Variants in RHBDL2 observed in about 807,000 individuals in gnomAD.
RHBDL2 encodes the protein rhomboid-related protein 2.
A neutral mutation model predicts 31.7 loss-of-function variants in RHBDL2; 26 were observed. That is an observed-to-expected ratio of 0.82 (90% CI 0.60 to 1.14). The LOEUF (loss-of-function observed/expected upper bound fraction) is 1.14. Ranked by LOEUF, RHBDL2 falls within the 50% of genes most tolerant of loss-of-function variation. The pLI is 0.00. For missense variants in RHBDL2, 336 were observed against 364.4 expected (o/e 0.92, Z 0.63); for synonymous variants, 123 against 127.2 (o/e 0.97, Z 0.22).
chr1:38,920,031 TC>T (rs2124339586), intron 1 of RHBDL2, among the ~76,000 whole-genome samples: 1 of 152,272 alleles, frequency 6.6e-6, no homozygotes, highest in South Asian at 2.1e-4. Flanking sequence ...CTTACCACAG[TC>T]CCTGGCAACG....
In RHBDL2 at chr1:38,887,947, A is replaced by G. The variant is rs1428732982; in HGVS notation, c.732+16T>C. The G allele has an allele frequency of 1.3e-6, 2 of 1,568,320 alleles. No individual in the cohort carries two copies. On this transcript the variant is annotated intron_variant, in intron 7 of 7. Coordinates refer to ENST00000372990, the MANE Select transcript of RHBDL2 (RefSeq NM_017821.5). ...AAACTAATTTCTATTTTATAAAAGA[A>G]AGAAACTGAACTCACCGGAGACCCA...
At chr1:38,908,122 G>A (rs1470485310) in intron 4 of RHBDL2, among the ~76,000 whole-genome samples, 2 of 83,050 alleles carry the variant, frequency 2.4e-5, no homozygotes, top group Non-Finnish European at 4.9e-5. Context: ...CACATAAAAA[G>A]ATATTCAACA....
chr1:38,929,231 C>T (rs190090422), intron 1 of RHBDL2, among the ~76,000 whole-genome samples: 33 of 152,246 alleles, frequency 2.2e-4, no homozygotes, highest in Admixed American at 2.1e-3. Context: ...AATTCCCGAA[C>T]GGAAGCTGTA....
intron 3 of RHBDL2, among the ~76,000 whole-genome samples, chr1:38,914,783 A>G (rs915233977): frequency 4.0e-5 from 6 of 151,674 alleles, no homozygotes; most frequent in Non-Finnish European, 7.4e-5. Context: ...TAATCCCAGC[A>G]CTTTGGGAGG....
At chr1:38,920,607 C>CTTTTT (rs547790628) in intron 1 of RHBDL2, among the ~76,000 whole-genome samples, 2 of 129,050 alleles carry the variant, frequency 1.5e-5, no homozygotes, top group East Asian at 4.7e-4. Context: ...CAAGTTTTCT[C>CTTTTT]TTTTTTTTTT....
intron 5 of RHBDL2, among the ~76,000 whole-genome samples, chr1:38,895,684 G>C (rs568490729): frequency 3.3e-5 from 5 of 152,188 alleles, no homozygotes; most frequent in South Asian, 2.1e-4. Flanking sequence ...CACACCTGTA[G>C]TCCCAGCTAT....
intron 1 of RHBDL2, among the ~76,000 whole-genome samples, chr1:38,920,166 CTTTTTTT>C (rs71057165): frequency 9.0e-6 from 1 of 111,402 alleles, no homozygotes; most frequent in African/African-American, 3.5e-5. Context: ...CACATGTTTT[CTTTTTTT>C]TTTTTTTTTT....
At chr1:38,925,433 G>A (rs575283611) in intron 1 of RHBDL2, among the ~76,000 whole-genome samples, 1 of 152,122 alleles carries the variant, frequency 6.6e-6, no homozygotes, top group South Asian at 2.1e-4. Context: ...AGGAGGTGGA[G>A]GTTGCAGTGG....
intron 4 of RHBDL2, among the ~76,000 whole-genome samples, chr1:38,899,297 G>C (rs1381973483): frequency 6.6e-6 from 1 of 152,180 alleles, no homozygotes; most frequent in African/African-American, 2.4e-5. Flanking sequence ...ACCAGAGGGG[G>C]GCCAGGCAAT....
intron 1 of RHBDL2, among the ~76,000 whole-genome samples, chr1:38,939,011 G>T (rs1643536808): frequency 6.6e-6 from 1 of 152,188 alleles, no homozygotes; most frequent in Admixed American, 6.6e-5. Context: ...TGAACGAACA[G>T]GATTATAAAA....
chr1:38,911,400 G>T lies in RHBDL2; in HGVS notation c.430C>A (p.Leu144Ile). ...ATTTCCAAGGGAATACCCAAAACAA[G>T]CTGCATACAAAGATTCCCCAAGATG... ...QHILGNLCMQLVLGIPLEMVH... is the reference protein window; with the variant it reads ...QHILGNLCMQIVLGIPLEMVH... The change falls in exon 4 of 8, where the codon CTT becomes ATT. Residue 144 changes from leucine to isoleucine, a missense_variant. Leu to Ile is a conservative substitution (Grantham distance 5, BLOSUM62 2). Transcript: ENST00000372990. The T allele has an allele frequency of 1.2e-6, 2 of 1,613,940 alleles. No individual in the cohort carries two copies. Among genetic ancestry groups the T allele is most frequent in the Non-Finnish European group, 1.7e-6 (2 of 1,179,948 alleles).
chr1:38,927,818 T>C (rs1643394563), intron 1 of RHBDL2, among the ~76,000 whole-genome samples: 1 of 152,194 alleles, frequency 6.6e-6, no homozygotes, highest in African/African-American at 2.4e-5. Context: ...CTTCATTAAT[T>C]TTTACCACTT....
chr1:38,906,607 G>A (rs1422761669), intron 4 of RHBDL2, among the ~76,000 whole-genome samples: 2 of 151,798 alleles, frequency 1.3e-5, no homozygotes, highest in African/African-American at 2.4e-5. Context: ...CTGGGAGGTG[G>A]AGCTTGCAGT....
At chr1:38,923,985 T>A (rs1185422928) in intron 1 of RHBDL2, among the ~76,000 whole-genome samples, 3 of 152,128 alleles carry the variant, frequency 2.0e-5, no homozygotes, top group Admixed American at 1.3e-4. Flanking sequence ...ATGTTCCTTA[T>A]GCACACCAAG....
intron 1 of RHBDL2, among the ~76,000 whole-genome samples, chr1:38,921,130 C>G (rs1258535315): frequency 6.6e-6 from 1 of 151,944 alleles, no homozygotes; most frequent in African/African-American, 2.4e-5. Context: ...GTATCTGGGC[C>G]GGGCGTGGTG....
chr1:38,889,584 GTAAT>G (rs1031794092), intron 6 of RHBDL2, among the ~76,000 whole-genome samples: 5 of 152,260 alleles, frequency 3.3e-5, no homozygotes, highest in Admixed American at 6.5e-5. Context: ...CTAATTGCCT[GTAAT>G]TACCATCGGG....
chr1:38,918,907 T>A, intron 2 of RHBDL2, 60 bp downstream of exon 2: 2 of 1,571,394 alleles, frequency 1.3e-6, no homozygotes, highest in Non-Finnish European at 1.7e-6. Context: ...ATCTGACCCC[T>A]AGTTTGTTCC....
At chr1:38,923,865 A>G (rs965604798) in intron 1 of RHBDL2, among the ~76,000 whole-genome samples, 2 of 152,208 alleles carry the variant, frequency 1.3e-5, no homozygotes, top group Non-Finnish European at 2.9e-5. Flanking sequence ...AAGGCCTCGC[A>G]TACACAGATC....
At chr1:38,927,577 GA>G (rs34336554) in intron 1 of RHBDL2, among the ~76,000 whole-genome samples, 19,039 of 152,168 alleles carry the variant, frequency 0.13, 1,536 homozygotes, top group Non-Finnish European at 0.18. Context: ...ATCTGCCTTT[GA>G]AGAATAGCCT....
Sources: gnomAD v4.1 joint callset for allele counts (sites outside exome capture counted in the v4.1 genomes callset) on GRCh38, gnomAD v4.1.1 for gene constraint, MANE v1.5 for transcripts, NCBI Gene and HGNC (gene_info 2026-07-23, HGNC 2026-07-21) for gene names.